The following ABR variants were observed in gnomAD, a reference collection of about 807,000 sequenced individuals.
ABR encodes ABR activator of RhoGEF and GTPase, also known as active breakpoint cluster region-related protein.
A neutral mutation model predicts 107.2 loss-of-function variants in ABR; 35 were observed. That is an observed-to-expected ratio of 0.33 (90% CI 0.25 to 0.43). ABR has a LOEUF of 0.43. ABR is among the 20% of genes least tolerant of loss of function. The pLI is 1.00. For synonymous variants in ABR, 498 were observed against 462.0 expected (o/e 1.08, Z -1.00); for missense variants, 815 against 1,115.2 (o/e 0.73, Z 3.83).
intron 16 of ABR, among the ~76,000 whole-genome samples, chr17:1,024,136 G>C (rs2071975051): frequency 6.6e-6 from 1 of 151,944 alleles, no homozygotes; most frequent in African/African-American, 2.4e-5. Flanking sequence ...TGCTGCCGGG[G>C]ACGTGAGGGG....
Position 1,078,236 on chromosome 17 carries a change from A to G in ABR, c.700+1094T>C, listed in dbSNP as rs1424107369. ...GGCTGGGGGTCTCTCACGGCTGGAAACAAACCTCTCCTTCCTGCTCCCACA... is the reference window on the plus strand; with the variant it reads ...GGCTGGGGGTCTCTCACGGCTGGAAGCAAACCTCTCCTTCCTGCTCCCACA... On this transcript the variant is annotated intron_variant, in intron 6 of 22. Coordinates refer to ENST00000302538, the MANE Select transcript of ABR (RefSeq NM_021962.5). This position sits in a 1 kb window ranked among gnomAD's most constrained non-coding sequence, Gnocchi z 7.5. 6.6e-6 allele frequency among the ~76,000 whole-genome samples: 1 copy of G among 152,094 alleles called. No homozygotes were observed. The highest frequency in any genetic ancestry group is 1.5e-5 in the Non-Finnish European group (1 of 68,000).
At chr17:1,059,150 C>T (rs559860063) in intron 10 of ABR, among the ~76,000 whole-genome samples, 56 of 152,184 alleles carry the variant, frequency 3.7e-4, no homozygotes, top group Non-Finnish European at 6.2e-4. Flanking sequence ...CTCTACCTGA[C>T]GCTCACTCGC....
At chr17:1,107,068 G>A (rs1233117920) in intron 2 of ABR, among the ~76,000 whole-genome samples, 1 of 152,236 alleles carries the variant, frequency 6.6e-6, no homozygotes, top group East Asian at 1.9e-4. Context: ...GAGGAGGGAG[G>A]AATTCTAGAG....
At position 1,057,057 on chromosome 17, in the gene ABR, G is replaced by A; in HGVS notation, c.1427C>T (p.Thr476Ile). ...AGTCCTAAGCTTGAAACAGGATCCT[G>A]TGAGCACCTGGAGCTCCACTGAGCT... ...VLSSVELQVL[T>I]GSCFKLRTVH... Residue 476 changes from threonine to isoleucine, a missense_variant, in exon 13 of 23, where the codon ACA (threonine) becomes ATA (isoleucine). Transcript: ENST00000302538. 3 of 1,613,048 alleles carry A rather than the reference G, an allele frequency of 1.9e-6. No homozygotes were observed.
At chr17:1,077,994 C>G (rs561674969) in intron 6 of ABR, among the ~76,000 whole-genome samples, 1 of 151,886 alleles carries the variant, frequency 6.6e-6, no homozygotes, top group Non-Finnish European at 1.5e-5. Context: ...CATCCTCCTA[C>G]GACCGACAGT....
Position 1,006,113 on chromosome 17 carries a change from C to T in ABR, c.2547G>A (p.Lys849=), listed in dbSNP as rs80119159. Residue 849 remains lysine, a synonymous_variant, in exon 23 of 23, where the codon AAG becomes AAA. Coordinates refer to ENST00000302538, the MANE Select transcript of ABR (RefSeq NM_021962.5). Reference sequence around the variant, plus strand: ...CGGTGGAGAAGTACAGTGTGTTCCGCTTGAGTTCTGCGAAGGAAATGGGGG... The same window carrying T: ...CGGTGGAGAAGTACAGTGTGTTCCGTTTGAGTTCTGCGAAGGAAATGGGGG... ...QHPPISFAEL[K]RNTLYFSTDV 241 of 1,584,592 alleles carry T rather than the reference C, an allele frequency of 1.5e-4. 3 individuals carry two copies. The East Asian group carries it at 5.4e-3, about 35-fold the overall frequency.
intron 1 of ABR, among the ~76,000 whole-genome samples, chr17:1,219,967 C>A (rs2043086871): frequency 6.6e-6 from 1 of 151,484 alleles, no homozygotes. Flanking sequence ...TATCTTTATA[C>A]TCTAGTTCCT....
intron 1 of ABR, among the ~76,000 whole-genome samples, chr17:1,222,776 G>A (rs2043141934): frequency 6.6e-6 from 1 of 152,132 alleles, no homozygotes; most frequent in Admixed American, 6.6e-5. Context: ...CCGGCTCGTG[G>A]CATGTGCCTA....
chr17:1,094,350 G>A (rs905948753), intron 3 of ABR, among the ~76,000 whole-genome samples: 3 of 151,720 alleles, frequency 2.0e-5, no homozygotes, highest in Non-Finnish European at 2.9e-5. Flanking sequence ...GTGCGTACAC[G>A]ATCATGGTCC....
Position 1,022,760 on chromosome 17 carries a change from G to C in ABR, c.1792-9596C>G, listed in dbSNP as rs990452738. Among the ~76,000 whole-genome samples, 3 of 152,200 alleles carry C rather than the reference G, an allele frequency of 2.0e-5. No individual in the cohort carries two copies. In the East Asian group the frequency reaches 5.8e-4, roughly 29 times the overall value. On this transcript the variant is annotated intron_variant, in intron 16 of 22. Transcript: ENST00000302538. ...GTAGCCAAGGTGTCCTGCAGCCAAG[G>C]TGTGCCCACCTGCCATACCCAGGCC...
chr17:1,070,530 C>T lies in ABR; in HGVS notation c.895-440G>A, dbSNP rs1266335913. On this transcript the variant is annotated intron_variant, in intron 8 of 22. Transcript: ENST00000302538. This position sits in a 1 kb window ranked among gnomAD's most constrained non-coding sequence, Gnocchi z 4.2. ...GAACATCCCCGTTTGCAATCCCTCCCGACCGCGGCGGCGAACTTCATCTAG... is the reference window on the plus strand; with the variant it reads ...GAACATCCCCGTTTGCAATCCCTCCTGACCGCGGCGGCGAACTTCATCTAG... 6.6e-6 allele frequency among the ~76,000 whole-genome samples: 1 copy of T among 152,142 alleles called. No individual in the cohort carries two copies. The highest frequency in any genetic ancestry group is 1.5e-5 in the Non-Finnish European group (1 of 68,028).
intron 2 of ABR, among the ~76,000 whole-genome samples, chr17:1,107,606 C>T (rs1323972353): frequency 6.6e-6 from 1 of 152,198 alleles, no homozygotes; most frequent in Admixed American, 6.5e-5. Context: ...GGGCCACACA[C>T]CTCCCATCCC....
chr17:1,096,561 C>T (rs770677283), intron 3 of ABR, among the ~76,000 whole-genome samples: 1 of 152,222 alleles, frequency 6.6e-6, no homozygotes, highest in East Asian at 1.9e-4. Context: ...GAGGGTCCTA[C>T]TCCTCTTCCT....
In ABR at chr17:1,148,406, G is replaced by C. The variant is rs529107892; in HGVS notation, c.62-23039C>G. 4.6e-5 allele frequency among the ~76,000 whole-genome samples: 7 copies of C among 152,350 alleles called. No homozygotes were observed. The highest frequency in any genetic ancestry group is 1.7e-4 in the African/African-American group (7 of 41,592). ...GCAGTTAGATTCATCAAGTCAGAAA[G>C]TAGGAGGGTGGTGGCCAGGAGCTGG... On this transcript the variant is annotated intron_variant, in intron 1 of 22. Transcript: ENST00000302538. The surrounding 1 kb of genome is among the most constrained non-coding windows in gnomAD (Gnocchi z 4.9).
intron 1 of ABR, among the ~76,000 whole-genome samples, chr17:1,220,715 T>TA (rs1344092359): frequency 2.0e-5 from 3 of 152,240 alleles, no homozygotes; most frequent in African/African-American, 7.2e-5. Flanking sequence ...CAGAACAAGC[T>TA]AAAAACGAAC....
chr17:1,194,121 C>T (rs767261243), intron 1 of ABR, among the ~76,000 whole-genome samples: 18 of 152,056 alleles, frequency 1.2e-4, no homozygotes, highest in Non-Finnish European at 2.1e-4. Context: ...TCTCCTTGAA[C>T]ATGAGGTTTG....
rs1322234380 is a variant in ABR, at chr17:1,148,450, G to A, written c.62-23083C>T. On this transcript the variant is annotated intron_variant, in intron 1 of 22. Coordinates refer to ENST00000302538, the MANE Select transcript of ABR (RefSeq NM_021962.5). This position sits in a 1 kb window ranked among gnomAD's most constrained non-coding sequence, Gnocchi z 4.9. ...GAGCTGGGGGCTGGAGAAACGGGGAGCTGTTGTTCAATACAGGGGTCCCCA... is the reference window on the plus strand; with the variant it reads ...GAGCTGGGGGCTGGAGAAACGGGGAACTGTTGTTCAATACAGGGGTCCCCA... Among the ~76,000 whole-genome samples the A allele has an allele frequency of 6.6e-6, 1 of 152,170 alleles. No homozygotes were observed. The highest frequency in any genetic ancestry group is 1.5e-5 in the Non-Finnish European group (1 of 68,036).
At chr17:1,053,683 A>G (rs906696256) in intron 14 of ABR, among the ~76,000 whole-genome samples, 2 of 152,028 alleles carry the variant, frequency 1.3e-5, no homozygotes, top group African/African-American at 2.4e-5. Context: ...CGGCGAAGGG[A>G]GTGAGGATAA....
chr17:1,107,250 G>A (rs1417499222), intron 2 of ABR, among the ~76,000 whole-genome samples: 6 of 152,236 alleles, frequency 3.9e-5, no homozygotes, highest in Non-Finnish European at 8.8e-5. Context: ...GCATCCGTGG[G>A]CCACCGCCGT....
Sources: gnomAD v4.1 joint callset for allele counts (sites outside exome capture counted in the v4.1 genomes callset) on GRCh38, gnomAD v4.1.1 for gene constraint, Gnocchi (gnomAD v3.1) non-coding constraint, MANE v1.5 for transcripts, NCBI Gene and HGNC (gene_info 2026-07-23, HGNC 2026-07-21) for gene names.